The following FAM193A variants were observed in gnomAD, a reference collection of about 807,000 sequenced individuals.
The protein encoded by FAM193A is protein FAM193A.
FAM193A carries 22 observed loss-of-function variants against 126.5 expected under a neutral mutation model. The ratio of observed to expected loss-of-function variants is 0.17; its 90% CI spans 0.12 to 0.25. FAM193A has a LOEUF of 0.25. Among genes scored for constraint, FAM193A ranks in the 10% least tolerant of loss-of-function variants. The probability of loss-of-function intolerance (pLI) is 1.00; values close to 1 mark genes in which losing one functional copy is unlikely to be tolerated. For synonymous variants in FAM193A, 761 were observed against 646.8 expected, an observed-to-expected ratio of 1.18 and a Z score of -2.68; for missense variants, 1,675 against 1,672.8, an observed-to-expected ratio of 1.00 and a Z score of -0.02.
At chr4:2,597,380 T>C (rs1487467083) in intron 2 of FAM193A, among the ~76,000 whole-genome samples, 2 of 152,330 alleles carry the variant, frequency 1.3e-5, no homozygotes, top group East Asian at 3.9e-4. Context: ...TTTTCTTTGC[T>C]TTTTGTGGTG....
chr4:2,581,512 C>T (rs1739939515), intron 1 of FAM193A, among the ~76,000 whole-genome samples: 1 of 152,130 alleles, frequency 6.6e-6, no homozygotes, highest in Admixed American at 6.5e-5. Flanking sequence ...TCTGGGCCTC[C>T]CAAAGTGCTG....
chr4:2,689,442 A>C, intron 13 of FAM193A, 64 bp from the exon 14 acceptor site: 1 of 1,224,778 alleles, frequency 8.2e-7, no homozygotes, highest in Non-Finnish European at 1.1e-6. Context: ...TCTGTAGTTT[A>C]ACTACTTACC....
At chr4:2,716,360 C>A (rs868361279) in intron 20 of FAM193A, among the ~76,000 whole-genome samples, 3 of 152,186 alleles carry the variant, frequency 2.0e-5, no homozygotes, top group South Asian at 2.1e-4. Context: ...GCTTCCCCCC[C>A]ACCCTTCCCC....
chr4:2,559,773 C>T (rs887554885), intron 1 of FAM193A, among the ~76,000 whole-genome samples: 5 of 152,168 alleles, frequency 3.3e-5, no homozygotes, highest in South Asian at 2.1e-4. Context: ...TGCCAGACTC[C>T]GGCTGCACGG....
chr4:2,672,742 A>G (rs1277139253), intron 13 of FAM193A, among the ~76,000 whole-genome samples: 1 of 152,216 alleles, frequency 6.6e-6, no homozygotes, highest in Non-Finnish European at 1.5e-5. Flanking sequence ...TAGGTAAAAT[A>G]ATGTGAATAC....
intron 1 of FAM193A, among the ~76,000 whole-genome samples, chr4:2,594,388 C>A (rs1740732862): frequency 6.6e-6 from 1 of 152,146 alleles, no homozygotes; most frequent in Non-Finnish European, 1.5e-5. Flanking sequence ...AGCTACAGGT[C>A]TAGCCGGCCT....
At chr4:2,568,141 C>T (rs1739079109) in intron 1 of FAM193A, among the ~76,000 whole-genome samples, 2 of 152,120 alleles carry the variant, frequency 1.3e-5, no homozygotes, top group South Asian at 4.1e-4. Flanking sequence ...ATACTTTACA[C>T]CTTTGTTTTA....
chr4:2,609,397 A>G (rs1577070037), intron 2 of FAM193A, among the ~76,000 whole-genome samples: 1 of 152,182 alleles, frequency 6.6e-6, no homozygotes, highest in Non-Finnish European at 1.5e-5. Context: ...GCATCCTGTC[A>G]TAAAGAAGAC....
chr4:2,693,713 C>T lies in FAM193A; in HGVS notation c.2931C>T (p.Leu977=), dbSNP rs557026376. Reference sequence around the variant, plus strand: ...CTGCTGCGCTGTCACCTGCTGCGCTCTCACCTGCCTCCACACCTCACCTTG... The same window carrying T: ...CTGCTGCGCTGTCACCTGCTGCGCTTTCACCTGCCTCCACACCTCACCTTG... ...LSPAALSPAA[L]SPASTPHLAN... Residue 977 remains leucine (L), a synonymous_variant, in exon 16 of 21, where the codon CTC becomes CTT. Coordinates refer to ENST00000637812, the MANE Select transcript of FAM193A (RefSeq NM_001366318.2). The T allele has an allele frequency of 7.4e-6, 12 of 1,614,146 alleles. No homozygotes were observed. Among genetic ancestry groups the T allele is most frequent in the Middle Eastern group, 1.6e-4 (1 of 6,062 alleles).
intron 2 of FAM193A, among the ~76,000 whole-genome samples, chr4:2,599,096 C>T (rs981595926): frequency 6.6e-6 from 1 of 152,236 alleles, no homozygotes; most frequent in African/African-American, 2.4e-5. Context: ...AGTGGATTAG[C>T]TGGAGACTTG....
chr4:2,552,279 G>A (rs1357432189), intron 1 of FAM193A, among the ~76,000 whole-genome samples: 1 of 150,762 alleles, frequency 6.6e-6, no homozygotes, highest in African/African-American at 2.4e-5. Context: ...CCAAAGTGCT[G>A]GGATTACAGG....
chr4:2,594,574 G>A (rs1740743928), intron 1 of FAM193A, among the ~76,000 whole-genome samples: 1 of 152,140 alleles, frequency 6.6e-6, no homozygotes, highest in Non-Finnish European at 1.5e-5. Context: ...GCCTCTGGAA[G>A]GCCAGGCGAG....
chr4:2,553,328 A>G (rs971486257), intron 1 of FAM193A, among the ~76,000 whole-genome samples: 1 of 151,782 alleles, frequency 6.6e-6, no homozygotes, highest in African/African-American at 2.4e-5. Context: ...AGGTCCACAT[A>G]GCAAGATCCC....
At chr4:2,674,206 C>A (rs80300805) in intron 13 of FAM193A, among the ~76,000 whole-genome samples, 2 of 152,140 alleles carry the variant, frequency 1.3e-5, no homozygotes, top group Non-Finnish European at 2.9e-5. Flanking sequence ...TGAAAATGTT[C>A]GTTTCTGTAA....
rs1270629432 is a variant in FAM193A at position 2,662,953 on chromosome 4, T to C, written c.1861T>C (p.Leu621=). The part of the protein sequence containing the change: ...VANMNGIHSE[L]NGGGENMALK... The stretch of plus-strand genomic sequence containing the variant: ...CAACATGAATGGAATCCACAGCGAA[T>C]TGAATGGTGGCGGGGAAAACATGGC... Residue 621 remains leucine (L), a synonymous_variant, in exon 11 of 21, where the codon TTG becomes CTG. Transcript: ENST00000637812. 3 of 1,613,378 alleles carry C rather than the reference T, an allele frequency of 1.9e-6. No individual in the cohort carries two copies. Among genetic ancestry groups the C allele is most frequent in the South Asian group, 1.1e-5 (1 of 91,074 alleles).
chr4:2,657,959 G>A (rs1353523947), intron 8 of FAM193A, 79 bp downstream of exon 8: 2 of 1,002,258 alleles, frequency 2.0e-6, no homozygotes, highest in Non-Finnish European at 3.1e-6. Context: ...GCATGTTGAT[G>A]TGCTTTGTTA....
rs753539667 is a variant in FAM193A at position 2,694,981 on chromosome 4, G to T, written c.3128G>T (p.Gly1043Val). 6.2e-7 allele frequency: 1 copy of T among 1,604,662 alleles called. No homozygotes were observed. Among genetic ancestry groups the T allele is most frequent in the Non-Finnish European group, 8.5e-7 (1 of 1,176,166 alleles). Residue 1043 changes from glycine (G) to valine (V), a missense_variant, in exon 17 of 21, where the codon GGT (glycine) becomes GTT (valine). Gly to Val is a moderately radical substitution (Grantham distance 109). This residue lies in a region of FAM193A where 1,186 missense variants were observed against 1,109.2 expected (regional missense o/e 1.07). Transcript: ENST00000637812. Reference sequence around the variant, plus strand: ...TGCGAAGGGCACCGCTGCGAGAATGGTGTCTACGACCCACAGCAGGATGAT... The same window carrying T: ...TGCGAAGGGCACCGCTGCGAGAATGTTGTCTACGACCCACAGCAGGATGAT... ...PDCEGHRCEN[G>V]VYDPQQDDGD... is the part of the protein sequence containing the mutation.
intron 1 of FAM193A, among the ~76,000 whole-genome samples, chr4:2,583,867 C>T (rs1018148481): frequency 2.0e-5 from 3 of 152,154 alleles, no homozygotes; most frequent in African/African-American, 7.2e-5. Flanking sequence ...GTTAGTCTGG[C>T]TGTTTTGCAC....
chr4:2,538,147 TGAAA>T (rs1388973392), intron 1 of FAM193A, among the ~76,000 whole-genome samples: 3 of 152,146 alleles, frequency 2.0e-5, no homozygotes, highest in South Asian at 2.1e-4. Context: ...AATTAAAAAA[TGAAA>T]GAAGCGTTGG....
Sources: gnomAD v4.1 joint callset for allele counts (sites outside exome capture counted in the v4.1 genomes callset) on GRCh38, gnomAD v4.1.1 for gene constraint, gnomAD v4.1.1 regional missense constraint, MANE v1.5 for transcripts, NCBI Gene and HGNC (gene_info 2026-07-23, HGNC 2026-07-21) for gene names.